Variants in DNAH8 observed in about 807,000 individuals in gnomAD.
The protein encoded by DNAH8 is axonemal beta dynein heavy chain 8.
DNAH8 carries 382 observed loss-of-function variants against 562.1 expected under a neutral mutation model. The ratio of observed to expected loss-of-function variants is 0.68; its 90% CI spans 0.63 to 0.74. The LOEUF is 0.74. DNAH8 is among the 30% of genes least tolerant of loss of function. The pLI, the probability that DNAH8 is intolerant of heterozygous loss-of-function variation, is 0.00. For synonymous variants in DNAH8, 1,881 were observed against 1,919.4 expected (o/e 0.98, Z 0.52); for missense variants, 5,203 against 5,620.4 (o/e 0.93, Z 2.37).
intron 5 of DNAH8, among the ~76,000 whole-genome samples, chr6:38,736,130 A>AG (rs1764066576): frequency 7.1e-6 from 1 of 140,352 alleles, no homozygotes; most frequent in African/African-American, 2.5e-5. Context: ...AGAGTGAGAG[A>AG]AAAAAAAAAA....
chr6:38,898,360 G>C lies in DNAH8; in HGVS notation c.9043G>C (p.Ala3015Pro). The stretch of plus-strand genomic sequence containing the variant: ...TCTTGATCTGGTGTTTTTTAAAGAT[G>C]CAATGACTCATCTTATTAAGGTCCT... ...TSLDLVFFKDAMTHLIKISRI... is the reference protein window; with the variant it reads ...TSLDLVFFKDPMTHLIKISRI... Residue 3015 changes from alanine to proline, a missense_variant, in exon 61 of 93, where the codon GCA (alanine) becomes CCA (proline). By Grantham distance (27) the Ala-to-Pro change is conservative. Transcript: ENST00000327475. 2 of 1,577,894 alleles carry C rather than the reference G, an allele frequency of 1.3e-6. No homozygotes were observed. Among genetic ancestry groups the C allele is most frequent in the Non-Finnish European group, 8.6e-7 (1 of 1,168,216 alleles).
intron 47 of DNAH8, 96 bp downstream of exon 47, chr6:38,866,972 T>C (rs1046722165): frequency 1.5e-6 from 1 of 649,156 alleles, no homozygotes; most frequent in South Asian, 2.1e-5. Context: ...AGTTAAAATC[T>C]CATTGACTCT....
At chr6:38,772,977 T>TTTTTTTTTC (rs1767718746) in intron 12 of DNAH8, among the ~76,000 whole-genome samples, 1 of 37,522 alleles carries the variant, frequency 2.7e-5, no homozygotes, top group Non-Finnish European at 5.8e-5. Flanking sequence ...TAAACTTTTT[T>TTTTTTTTTC]TTTTTTTTTT....
intron 65 of DNAH8, 102 bp downstream of exon 65, chr6:38,909,846 G>A (rs552579888): frequency 2.2e-6 from 2 of 918,664 alleles, no homozygotes; most frequent in South Asian, 1.7e-5. Context: ...TATTCATTGA[G>A]CACGAGCTGT....
intron 42 of DNAH8, among the ~76,000 whole-genome samples, chr6:38,858,146 G>A (rs755451722): frequency 3.3e-5 from 5 of 152,186 alleles, no homozygotes; most frequent in Non-Finnish European, 7.3e-5. Context: ...AAGTTCTGTA[G>A]GGTGGGACTA....
rs117053607 is a variant in DNAH8, at chr6:39,025,705, C to T, written c.13715-841C>T. Among the ~76,000 whole-genome samples, 222 of 152,330 alleles carry T rather than the reference C, an allele frequency of 1.5e-3. 3 individuals are homozygous for T. In the East Asian group the frequency reaches 0.033, roughly 22 times the overall value. On this transcript the variant is annotated intron_variant, in intron 91 of 92. Transcript: ENST00000327475. ...ATGTGCTGGTTTGGTTCTCAGAGCT[C>T]ACTAATCTAGGAGTAGCGGGAACAC...
intron 58 of DNAH8, among the ~76,000 whole-genome samples, chr6:38,892,894 G>A (rs1330686838): frequency 1.3e-5 from 2 of 152,024 alleles, no homozygotes; most frequent in Admixed American, 6.6e-5. Flanking sequence ...CCATACGTTG[G>A]CTCATTCTCA....
At chr6:38,779,865 A>G in intron 14 of DNAH8, 101 bp from the exon 15 acceptor site, 3 of 1,127,404 alleles carry the variant, frequency 2.7e-6, no homozygotes, top group Non-Finnish European at 3.9e-6. Flanking sequence ...GAGGGCTGGT[A>G]TGAATATTTG....
Position 38,837,944 on chromosome 6 carries a change from C to T in DNAH8, c.4368C>T (p.Ala1456=). Residue 1456 remains alanine, a splice_region_variant and synonymous_variant, in exon 33 of 93, where the codon GCC becomes GCT. Transcript: ENST00000327475. ...EASNRLQIFQ[A]SFDDLWRKFV... is the part of the protein sequence containing the mutation. ...CAATTTAAAAACCTTTGTTACAGGC[C>T]AGTTTCGATGATCTGTGGAGGAAAT... 1 of 1,607,502 alleles carries T rather than the reference C, an allele frequency of 6.2e-7. No homozygotes were observed. The highest frequency in any genetic ancestry group is 8.5e-7 in the Non-Finnish European group (1 of 1,175,322).
At position 38,912,478 on chromosome 6, in the gene DNAH8, A is replaced by C. The variant is rs527632784; in HGVS notation, c.9859+892A>C. Among the ~76,000 whole-genome samples, 47 of 152,224 alleles carry C rather than the reference A, an allele frequency of 3.1e-4. No homozygotes were observed. The South Asian group carries it at 9.1e-3, about 30-fold the overall frequency. Reference sequence around the variant, plus strand: ...GGACCCTGTCTCAAGAAAAAATCAAAACAAAAACCACTTGGTCACATAGCA... The same window carrying C: ...GGACCCTGTCTCAAGAAAAAATCAACACAAAAACCACTTGGTCACATAGCA... On this transcript the variant is annotated intron_variant, in intron 66 of 92. Coordinates refer to ENST00000327475, the MANE Select transcript of DNAH8 (RefSeq NM_001206927.2).
Position 38,949,583 on chromosome 6 carries a change from A to C in DNAH8, c.12248+13A>C, listed in dbSNP as rs185460426. ...TTTTACTTATCAGGTGAGAACAGGC[A>C]TTATCAGACCTAGAAGCATCACTCA... On this transcript the variant is annotated intron_variant, in intron 81 of 92. Coordinates refer to ENST00000327475, the MANE Select transcript of DNAH8 (RefSeq NM_001206927.2). 4.5e-5 allele frequency: 63 copies of C among 1,414,956 alleles called. No homozygotes were observed. In the East Asian group the frequency reaches 1.4e-3, roughly 32 times the overall value. The allele number at this position is 1,414,956 out of a possible 1,614,324, so 87.7% of individuals were successfully genotyped here.
chr6:38,886,657 A>G (rs1174172934), intron 56 of DNAH8, 134 bp from the exon 57 acceptor site: 1 of 722,366 alleles, frequency 1.4e-6, no homozygotes, highest in Admixed American at 2.4e-5. Context: ...CTTGAAGGTG[A>G]TCATCGACAT....
chr6:38,967,988 C>G (rs1359907539), intron 82 of DNAH8, among the ~76,000 whole-genome samples: 1 of 152,072 alleles, frequency 6.6e-6, no homozygotes, highest in African/African-American at 2.4e-5. Context: ...AAACCCAGCC[C>G]TCACATATTA....
At chr6:38,750,332 T>C in intron 8 of DNAH8, 144 bp from the exon 9 acceptor site, 1 of 468,864 alleles carries the variant, frequency 2.1e-6, no homozygotes, top group Non-Finnish European at 3.7e-6. Flanking sequence ...TCTCAAGTAT[T>C]ATAAGAAAAA....
rs573931413 is a variant in DNAH8 at position 39,030,539 on chromosome 6, C to T, written c.*147C>T. On this transcript the variant is annotated 3_prime_UTR_variant, in exon 93 of 93. Transcript: ENST00000327475. ...AGTTGATGTTCTAAAATTGCTAGTG[C>T]GTGTGTGTTTTCCTCACATATCAAT... 5.6e-5 allele frequency: 36 copies of T among 647,320 alleles called. No individual in the cohort carries two copies. The highest frequency in any genetic ancestry group is 1.3e-4 in the South Asian group (6 of 46,708). 40.1% of individuals were successfully genotyped at this position (647,320 alleles called of 1,614,324 possible). A position where few individuals can be genotyped will look rare whatever the true frequency, so the allele number is the denominator to read the frequency against.
chr6:38,921,490 C>G lies in DNAH8; in HGVS notation c.10646C>G (p.Ala3549Gly). 3 of 1,612,448 alleles carry G rather than the reference C, an allele frequency of 1.9e-6. No individual in the cohort carries two copies. The highest frequency in any genetic ancestry group is 2.5e-6 in the Non-Finnish European group (3 of 1,179,294). ...AAAGTACAGGCAAAATTTGATGCAG[C>G]AATGAATGAGAAAATGGTGAGATTA... ...LDKVQAKFDA[A>G]MNEKMDLLND... The change falls in exon 71 of 93, where the codon GCA (alanine) becomes GGA (glycine). Residue 3549 changes from alanine to glycine, a missense_variant. This residue lies in a region of DNAH8 where 1,399 missense variants were observed against 1,518.4 expected (regional missense o/e 0.92). Transcript: ENST00000327475.
intron 41 of DNAH8, among the ~76,000 whole-genome samples, chr6:38,854,153 A>C (rs571335892): frequency 2.0e-5 from 3 of 152,202 alleles, no homozygotes; most frequent in Admixed American, 1.3e-4. Flanking sequence ...TCTTGTCTTT[A>C]ATTTTCCCTT....
chr6:38,840,146 A>G (rs1193804638), intron 33 of DNAH8, among the ~76,000 whole-genome samples: 2 of 152,242 alleles, frequency 1.3e-5, no homozygotes, highest in South Asian at 2.1e-4. Context: ...TATGGATTTC[A>G]TATTTTAAAT....
intron 64 of DNAH8, among the ~76,000 whole-genome samples, chr6:38,909,102 A>G (rs112803830): frequency 3.3e-5 from 5 of 152,256 alleles, no homozygotes; most frequent in African/African-American, 9.6e-5. Flanking sequence ...AAGGAACTCA[A>G]TCCCTCTTCC....
Sources: gnomAD v4.1 joint callset for allele counts (sites outside exome capture counted in the v4.1 genomes callset) on GRCh38, gnomAD v4.1.1 for gene constraint, gnomAD v4.1.1 regional missense constraint, MANE v1.5 for transcripts, NCBI Gene and HGNC (gene_info 2026-07-23, HGNC 2026-07-21) for gene names.